STAU1: variants seen among roughly 807,000 people sequenced by gnomAD.
STAU1 encodes staufen double-stranded RNA binding protein 1, also known as double-stranded RNA-binding protein Staufen homolog 1.
STAU1 carries 13 observed loss-of-function variants against 62.9 expected under a neutral mutation model. That is an observed-to-expected ratio of 0.21 (90% CI 0.13 to 0.33). STAU1 has a LOEUF of 0.33. STAU1 is among the 10% of genes least tolerant of loss of function. STAU1 has a pLI of 1.00. For synonymous variants in STAU1, 269 were observed against 265.1 expected, an observed-to-expected ratio of 1.01 and a Z score of -0.14; for missense variants, 571 against 712.1, an observed-to-expected ratio of 0.80 and a Z score of 2.25.
chr20:49,202,412 A>G, the STAU1 span, among the ~76,000 whole-genome samples: 1,419 of 151,092 alleles, frequency 9.4e-3, 27 homozygotes, highest in African/African-American at 0.033. Context: ...AAAAACATAA[A>G]AATTAGCCGG....
At chr20:49,202,201 C>T in the STAU1 span, among the ~76,000 whole-genome samples, 3 of 98,182 alleles carry the variant, frequency 3.1e-5, no homozygotes, top group Non-Finnish European at 6.7e-5. Flanking sequence ...GCCTGGGCGA[C>T]AGAGCGAGAC....
chr20:49,155,579 T>C (rs572409346), intron 3 of STAU1, among the ~76,000 whole-genome samples: 7 of 152,176 alleles, frequency 4.6e-5, no homozygotes, highest in Non-Finnish European at 8.8e-5. Context: ...TTAGGATGTA[T>C]ATAGAGAGAA....
intron 3 of STAU1, chr20:49,158,504 GA>G: frequency 7.7e-7 from 1 of 1,303,914 alleles, no homozygotes; most frequent in Non-Finnish European, 1.0e-6. Flanking sequence ...TCCACTAAAG[GA>G]AAAAAACAAA....
intron 2 of STAU1, among the ~76,000 whole-genome samples, chr20:49,167,019 T>C (rs1471086718): frequency 6.6e-6 from 1 of 152,172 alleles, no homozygotes; most frequent in Admixed American, 6.5e-5. Flanking sequence ...CAGGAATGGA[T>C]TTTAGACTGG....
In STAU1 at chr20:49,115,847, C is replaced by T; in HGVS notation, c.1653G>A (p.Lys551=). 1 of 1,614,078 alleles carries T rather than the reference C, an allele frequency of 6.2e-7. No individual in the cohort carries two copies. The highest frequency in any genetic ancestry group is 8.5e-7 in the Non-Finnish European group (1 of 1,179,988). ...TTTGTTGGTCCAACTCAGACAGCAA[C>T]TTTAAGATGTTCAGCGCAGCCTAGT... ...CHDMAALNIL[K]LLSELDQQST... Residue 551 remains lysine (K), a synonymous_variant, in exon 13 of 14, where the codon AAG becomes AAA. Transcript: ENST00000371856.
the STAU1 span, among the ~76,000 whole-genome samples, chr20:49,195,555 A>AAAAAAAAAAAAAAAAAAAAAAAT: frequency 7.5e-6 from 1 of 134,094 alleles, no homozygotes; most frequent in Non-Finnish European, 1.6e-5. Context: ...AAAAAAAAAA[A>AAAAAAAAAAAAAAAAAAAAAAAT]AAAAAAGATA....
chr20:49,145,000 T>C (rs1002215774), intron 5 of STAU1, among the ~76,000 whole-genome samples: 11 of 152,208 alleles, frequency 7.2e-5, no homozygotes, highest in African/African-American at 2.2e-4. Flanking sequence ...CCTATGATAA[T>C]TGTAAGACAG....
At chr20:49,121,397 G>A (rs894091406) in intron 8 of STAU1, among the ~76,000 whole-genome samples, 10 of 152,116 alleles carry the variant, frequency 6.6e-5, no homozygotes, top group African/African-American at 2.4e-4. Flanking sequence ...AACAGAGCAA[G>A]TTGACTCCAT....
Position 49,115,796 on chromosome 20 carries a change from G to A in STAU1, c.1704C>T (p.Asn568=), listed in dbSNP as rs750591378. The part of the protein sequence containing the change: ...QQSTEMPRTG[N]GPMSVCGRC ...AGTGCACTCACACAGACATTGGTCC[G>A]TTTCCTGTTCTTGGCATCTCTGTAC... The change falls in exon 13 of 14, where the codon AAC becomes AAT. Residue 568 remains asparagine (N), a synonymous_variant. Coordinates refer to ENST00000371856, the MANE Select transcript of STAU1 (RefSeq NM_017453.4). 5.0e-6 allele frequency: 8 copies of A among 1,613,886 alleles called. No homozygotes were observed. The highest frequency in any genetic ancestry group is 1.1e-5 in the South Asian group (1 of 91,090).
At chr20:49,164,123 G>C (rs111439631) in intron 3 of STAU1, among the ~76,000 whole-genome samples, 15 of 151,900 alleles carry the variant, frequency 9.9e-5, no homozygotes, top group African/African-American at 2.9e-4. Context: ...CCAGCTACTC[G>C]GGAGGCTGAG....
At chr20:49,186,906 C>G (rs1049818294) in intron 1 of STAU1, among the ~76,000 whole-genome samples, 1 of 152,038 alleles carries the variant, frequency 6.6e-6, no homozygotes, top group Non-Finnish European at 1.5e-5. Context: ...AGTGGCAGAA[C>G]AGACTGAAGC....
At chr20:49,134,374 T>C (rs2092821884) in intron 6 of STAU1, 11 of 453,002 alleles carry the variant, frequency 2.4e-5, no homozygotes, top group South Asian at 2.4e-4. Flanking sequence ...GAGGTTGCAG[T>C]GAGCCGAGAA....
intron 3 of STAU1, 125 bp from the exon 4 acceptor site, chr20:49,154,196 T>G (rs2093318295): frequency 2.0e-6 from 2 of 976,042 alleles, no homozygotes; most frequent in Non-Finnish European, 3.0e-6. Flanking sequence ...AGGACCTGGG[T>G]GGCTCACTGC....
chr20:49,196,736 T>C, the STAU1 span, among the ~76,000 whole-genome samples: 1 of 140,766 alleles, frequency 7.1e-6, no homozygotes, highest in African/African-American at 2.7e-5. Flanking sequence ...GGCACCACAG[T>C]ACCCCAGCCT....
At chr20:49,137,507 C>T (rs910298162) in intron 5 of STAU1, among the ~76,000 whole-genome samples, 1 of 152,116 alleles carries the variant, frequency 6.6e-6, no homozygotes, top group Non-Finnish European at 1.5e-5. Context: ...CACATTATTG[C>T]TTATTTTGTC....
intron 6 of STAU1, 137 bp from the exon 7 acceptor site, chr20:49,124,724 A>T: frequency 1.2e-6 from 1 of 820,352 alleles, no homozygotes; most frequent in Non-Finnish European, 2.0e-6. Flanking sequence ...GGAAGCGGGG[A>T]TCATTTCAAA....
chr20:49,156,686 T>C (rs963722638), intron 3 of STAU1, among the ~76,000 whole-genome samples: 3 of 152,178 alleles, frequency 2.0e-5, no homozygotes, highest in African/African-American at 4.8e-5. Flanking sequence ...AAATGAAAAG[T>C]GTGAGCTCTC....
chr20:49,172,311 T>C (rs564229760), intron 2 of STAU1, among the ~76,000 whole-genome samples: 8 of 152,374 alleles, frequency 5.3e-5, no homozygotes, highest in South Asian at 2.1e-4. Flanking sequence ...TTTTCTTTTC[T>C]AGTTTTAAAA....
At chr20:49,158,772 T>G (rs2093403998) in intron 3 of STAU1, among the ~76,000 whole-genome samples, 1 of 151,514 alleles carries the variant, frequency 6.6e-6, no homozygotes, top group Non-Finnish European at 1.5e-5. Flanking sequence ...ATTGCACCAC[T>G]GCACTCCAGT....
Sources: allele counts gnomAD v4.1 joint callset (sites outside exome capture counted in the v4.1 genomes callset), GRCh38; gene constraint gnomAD v4.1.1; transcripts MANE v1.5; gene names NCBI Gene and HGNC (gene_info 2026-07-23, HGNC 2026-07-21).